Variants in SEMA3C observed in about 807,000 individuals in gnomAD.
SEMA3C encodes semaphorin 3C, also known as semaphorin-3C.
In SEMA3C, 47 loss-of-function variants were observed where a neutral mutation model predicts 89.4. The ratio of observed to expected loss-of-function variants is 0.53; its 90% CI spans 0.42 to 0.67. The LOEUF is 0.67. SEMA3C is among the 30% of genes least tolerant of loss of function. The pLI, the probability that SEMA3C is intolerant of heterozygous loss-of-function variation, is 0.00. For missense variants in SEMA3C, 839 were observed against 929.1 expected (o/e 0.90, Z 1.26); for synonymous variants, 310 against 320.2 (o/e 0.97, Z 0.34).
chr7:80,843,771 G>A (rs1259700041), intron 2 of SEMA3C, among the ~76,000 whole-genome samples: 1 of 152,036 alleles, frequency 6.6e-6, no homozygotes, highest in Non-Finnish European at 1.5e-5. Context: ...GAAATATAAT[G>A]AGTGCACCAA....
upstream of SEMA3C, chr7:80,922,263 AC>A (rs1792423351): frequency 7.8e-7 from 1 of 1,288,666 alleles, no homozygotes; most frequent in Non-Finnish European, 1.0e-6. Flanking sequence ...ACTTCCTCTT[AC>A]CTTTTTTGCT....
chr7:80,857,331 A>G (rs1164493658), intron 2 of SEMA3C, among the ~76,000 whole-genome samples: 1 of 152,160 alleles, frequency 6.6e-6, no homozygotes, highest in Non-Finnish European at 1.5e-5. Context: ...CATATGCCAC[A>G]TATTCTTAAA....
chr7:80,889,715 A>G (rs1043812507), intron 2 of SEMA3C, among the ~76,000 whole-genome samples: 4 of 152,168 alleles, frequency 2.6e-5, no homozygotes, highest in Non-Finnish European at 4.4e-5. Flanking sequence ...AAAATAAATG[A>G]TGACACATCA....
At chr7:80,855,436 A>C (rs1790615648) in intron 2 of SEMA3C, among the ~76,000 whole-genome samples, 1 of 152,060 alleles carries the variant, frequency 6.6e-6, no homozygotes, top group African/African-American at 2.4e-5. Flanking sequence ...ATTCCTGGGT[A>C]ATTTTTAAAT....
chr7:80,752,010 C>T lies in SEMA3C; in HGVS notation c.1644-674G>A, dbSNP rs1020313099. On this transcript the variant is annotated intron_variant, in intron 15 of 17. Coordinates refer to ENST00000265361, the MANE Select transcript of SEMA3C (RefSeq NM_006379.5). ...CATTAATTTCTTTCTCTCTCACATG[C>T]AAATATATATCATGTATATGCTGTG... Among the ~76,000 whole-genome samples, 7 of 152,088 alleles carry T rather than the reference C, an allele frequency of 4.6e-5. No homozygotes were observed. In the South Asian group the frequency reaches 1.0e-3, roughly 23 times the overall value.
chr7:80,919,080 G>C (rs1038388675), upstream of SEMA3C: 6 of 985,092 alleles, frequency 6.1e-6, no homozygotes, highest in African/African-American at 7.0e-5. Context: ...GGCCGGGGGC[G>C]AGCGCTCTTG....
At chr7:80,758,937 A>G (rs1219200755) in intron 14 of SEMA3C, among the ~76,000 whole-genome samples, 2 of 152,228 alleles carry the variant, frequency 1.3e-5, no homozygotes, top group African/African-American at 4.8e-5. Flanking sequence ...GAAGGAAAAA[A>G]TGGTAAATAG....
chr7:80,906,747 C>T (rs987895176), intron 2 of SEMA3C, among the ~76,000 whole-genome samples: 1 of 129,156 alleles, frequency 7.7e-6, no homozygotes, highest in African/African-American at 2.9e-5. Context: ...TCTATGCAGA[C>T]AAGCTGTTGA....
At chr7:80,916,640 A>C in intron 2 of SEMA3C, 39 bp downstream of exon 2, 2 of 1,569,582 alleles carry the variant, frequency 1.3e-6, no homozygotes, top group Non-Finnish European at 1.7e-6. Context: ...ACAAAACTTA[A>C]AATAACATTT....
intron 2 of SEMA3C, among the ~76,000 whole-genome samples, chr7:80,870,742 C>A (rs1288039007): frequency 6.6e-6 from 1 of 152,180 alleles, no homozygotes; most frequent in African/African-American, 2.4e-5. Flanking sequence ...CCAGAGCCCA[C>A]ATTCTTAACG....
At chr7:80,746,284 A>G (rs1416818018) in intron 17 of SEMA3C, among the ~76,000 whole-genome samples, 1 of 152,188 alleles carries the variant, frequency 6.6e-6, no homozygotes, top group African/African-American at 2.4e-5. Flanking sequence ...AAAAAGCACA[A>G]AAAGGCAAGT....
At chr7:80,813,659 C>T (rs1331367938) in intron 5 of SEMA3C, among the ~76,000 whole-genome samples, 6 of 152,162 alleles carry the variant, frequency 3.9e-5, no homozygotes, top group African/African-American at 1.2e-4. Flanking sequence ...TCTTTTTAGG[C>T]ACCTTAGATT....
intron 15 of SEMA3C, among the ~76,000 whole-genome samples, chr7:80,753,022 T>C (rs148668900): frequency 1.0e-3 from 158 of 152,260 alleles, no homozygotes; most frequent in African/African-American, 3.6e-3. Flanking sequence ...AAGTCATTGA[T>C]AGTGAAAAAA....
At position 80,748,958 on chromosome 7, in the gene SEMA3C, G is replaced by C. The variant is rs1787862471; in HGVS notation, c.1782C>G (p.Pro594=). The C allele has an allele frequency of 6.2e-7, 1 of 1,613,102 alleles. No homozygotes were observed. The highest frequency in any genetic ancestry group is 8.5e-7 in the Non-Finnish European group (1 of 1,179,550). Residue 594 remains proline (P), a synonymous_variant, in exon 17 of 18, where the codon CCC becomes CCG. Transcript: ENST00000265361. ...ACTTGATAGATGCCTGCGGAGACTT[G>C]GGGGCACACTCCAGAAAAGTGGTGT... ...KNNTTFLECA[P]KSPQASIKWL...
At chr7:80,913,644 T>C (rs1792204175) in intron 2 of SEMA3C, among the ~76,000 whole-genome samples, 1 of 152,110 alleles carries the variant, frequency 6.6e-6, no homozygotes, top group South Asian at 2.1e-4. Flanking sequence ...AAAATAAGAG[T>C]TAGACCAATT....
intron 4 of SEMA3C, among the ~76,000 whole-genome samples, chr7:80,826,904 G>T (rs1250706098): frequency 1.3e-5 from 2 of 152,078 alleles, no homozygotes; most frequent in Admixed American, 1.3e-4. Flanking sequence ...ATTTGCACAG[G>T]TATTGCATAC....
chr7:80,915,099 G>A (rs555490057), intron 2 of SEMA3C, among the ~76,000 whole-genome samples: 216 of 152,290 alleles, frequency 1.4e-3, no homozygotes, highest in Non-Finnish European at 2.5e-3. Flanking sequence ...TATACTAGGA[G>A]AAATATAGAA....
At chr7:80,787,627 T>C (rs1671811847) in intron 12 of SEMA3C, among the ~76,000 whole-genome samples, 1 of 152,150 alleles carries the variant, frequency 6.6e-6, no homozygotes, top group African/African-American at 2.4e-5. Context: ...CATGAGACCA[T>C]GTAAGACCTT....
chr7:80,762,369 C>T (rs1279624702), intron 13 of SEMA3C, among the ~76,000 whole-genome samples: 1 of 152,140 alleles, frequency 6.6e-6, no homozygotes, highest in Non-Finnish European at 1.5e-5. Flanking sequence ...AGTTAATACT[C>T]ATTGTTGCAA....
Sources: allele counts gnomAD v4.1 joint callset (sites outside exome capture counted in the v4.1 genomes callset), GRCh38; gene constraint gnomAD v4.1.1; transcripts MANE v1.5; gene names NCBI Gene and HGNC (gene_info 2026-07-23, HGNC 2026-07-21).